The following UFSP2 variants were observed in gnomAD, a reference collection of about 807,000 sequenced individuals.
UFSP2 encodes UFM1 specific peptidase 2, also known as ufm1-specific protease 2.
In UFSP2, 43 loss-of-function variants were observed where a neutral mutation model predicts 60.2. The ratio of observed to expected loss-of-function variants is 0.71; its 90% confidence interval spans 0.56 to 0.92. The LOEUF (loss-of-function observed/expected upper bound fraction) is 0.92. Ranked by LOEUF, UFSP2 falls within the 40% of genes least tolerant of loss-of-function variation. The pLI, the probability that UFSP2 is intolerant of heterozygous loss-of-function variation, is 0.00. For synonymous variants in UFSP2, 183 were observed against 195.1 expected, an observed-to-expected ratio of 0.94 and a Z score of 0.52; for missense variants, 520 against 575.0, an observed-to-expected ratio of 0.90 and a Z score of 0.98.
intron 1 of UFSP2, among the ~76,000 whole-genome samples, chr4:185,422,853 C>T (rs536161623): frequency 1.3e-5 from 2 of 151,692 alleles, no homozygotes; most frequent in South Asian, 4.2e-4. Context: ...AAGGCCTAGG[C>T]ACAGGGATTT....
At position 185,413,785 on chromosome 4, in the gene UFSP2, C is replaced by G. The variant is rs968472119; in HGVS notation, c.772G>C (p.Asp258His). The stretch of plus-strand genomic sequence containing the variant: ...GTATGTGGATTTCTAATGTAACCAT[C>G]TTTGTATGGCTCATCTGGAAAGTGA... ...AYHFPDEPYKDGYIRNPHTYL... is the reference protein window; with the variant it reads ...AYHFPDEPYKHGYIRNPHTYL... The change falls in exon 7 of 12, where the codon GAT becomes CAT. Residue 258 changes from aspartate to histidine, a missense_variant. Asp to His is a moderately conservative substitution (Grantham distance 81, BLOSUM62 -1). Transcript: ENST00000264689. The G allele has an allele frequency of 9.3e-6, 15 of 1,613,428 alleles. No individual in the cohort carries two copies. Among genetic ancestry groups the G allele is most frequent in the African/African-American group, 5.3e-5 (4 of 74,894 alleles).
Position 185,415,869 on chromosome 4 carries a change from TATATAG to T in UFSP2, c.334-8_334-3del. The T allele has an allele frequency of 6.2e-7, 1 of 1,607,932 alleles. No individual in the cohort carries two copies. Among genetic ancestry groups the T allele is most frequent in the Non-Finnish European group, 8.5e-7 (1 of 1,176,802 alleles). On this transcript the variant is annotated splice_region_variant and splice_polypyrimidine_tract_variant and intron_variant, in intron 4 of 11. Transcript: ENST00000264689. ...AAGATCTATATTTACTATTTGATGC[TATATAG>T]ATAAACAGTAATAGTCAACTTGTAG...
chr4:185,399,774 GT>G lies in UFSP2; in HGVS notation c.*617del. 1 of 1,613,938 alleles carries G rather than the reference GT, an allele frequency of 6.2e-7. No homozygotes were observed. Among genetic ancestry groups the G allele is most frequent in the South Asian group, 1.1e-5 (1 of 91,030 alleles). ...ATACCAGTGGGAAAAGGAAGTGCTG[GT>G]AAGTAACTCAGAGCTGCTGCTTTTT... On this transcript the variant is annotated 3_prime_UTR_variant, in exon 12 of 12. Coordinates refer to ENST00000264689, the MANE Select transcript of UFSP2 (RefSeq NM_018359.5).
chr4:185,418,071 C>CACACACA lies in UFSP2; in HGVS notation c.333+369_333+370insTGTGTGT, dbSNP rs761008119. 1.6e-4 allele frequency among the ~76,000 whole-genome samples: 24 copies of CACACACA among 151,818 alleles called. No homozygotes were observed. The South Asian group carries it at 3.3e-3, about 21-fold the overall frequency. ...AAACACACACACACACACACACAAA[C>CACACACA]AACAGAACCAAGAGTAGTGTGAAGA... On this transcript the variant is annotated intron_variant, in intron 4 of 11. Coordinates refer to ENST00000264689, the MANE Select transcript of UFSP2 (RefSeq NM_018359.5).
chr4:185,422,100 T>C (rs1173813360), intron 2 of UFSP2, among the ~76,000 whole-genome samples: 1 of 152,234 alleles, frequency 6.6e-6, no homozygotes, highest in Non-Finnish European at 1.5e-5. Context: ...CTTGTACTCA[T>C]CCCCATATAA....
In UFSP2 at chr4:185,407,924, A is replaced by AAT. The variant is rs745414290; in HGVS notation, c.1121+11_1121+12insAT. On this transcript the variant is annotated intron_variant, in intron 9 of 11. Coordinates refer to ENST00000264689, the MANE Select transcript of UFSP2 (RefSeq NM_018359.5). ...TTGAAATGATTTATCTAATTTCTTA[A>AAT]AGTGTGCTTACCTGACAAACAGGAT... 2 of 1,608,070 alleles carry AAT rather than the reference A, an allele frequency of 1.2e-6. No homozygotes were observed. Among genetic ancestry groups the AAT allele is most frequent in the East Asian group, 4.5e-5 (2 of 44,790 alleles).
At chr4:185,411,177 ATAT>A (rs1197247116) in intron 7 of UFSP2, among the ~76,000 whole-genome samples, 1 of 151,796 alleles carries the variant, frequency 6.6e-6, no homozygotes, top group Non-Finnish European at 1.5e-5. Context: ...GAAAAAGAAA[ATAT>A]TATGACTACA....
chr4:185,423,706 A>G (rs1247811717), intron 1 of UFSP2, among the ~76,000 whole-genome samples: 5 of 152,164 alleles, frequency 3.3e-5, no homozygotes, highest in Non-Finnish European at 7.4e-5. Flanking sequence ...GGATCCATAT[A>G]CTGTTTCAGG....
In UFSP2 at chr4:185,400,192, C is replaced by G; in HGVS notation, c.*200G>C. 1.4e-6 allele frequency: 1 copy of G among 712,084 alleles called. No individual in the cohort carries two copies. 44.1% of individuals were successfully genotyped at this position (712,084 alleles called of 1,614,324 possible). On this transcript the variant is annotated 3_prime_UTR_variant, in exon 12 of 12. Coordinates refer to ENST00000264689, the MANE Select transcript of UFSP2 (RefSeq NM_018359.5). ...CATGTATTTACATGCCTATAATATG[C>G]TGGTTGTGTATGCTTTGTCTTTTAA...
At chr4:185,407,017 C>CTTTTTTTTTTTTTTTTTTTTTTGTTTTT (rs34710879) in intron 9 of UFSP2, among the ~76,000 whole-genome samples, 2 of 99,094 alleles carry the variant, frequency 2.0e-5, no homozygotes, top group Non-Finnish European at 4.0e-5. Flanking sequence ...TTTGGCTTTT[C>CTTTTTTTTTTTTTTTTTTTTTTGTTTTT]TTTTTTTTTT....
chr4:185,411,732 G>A (rs1177974638), intron 7 of UFSP2, among the ~76,000 whole-genome samples: 2 of 152,136 alleles, frequency 1.3e-5, no homozygotes, highest in East Asian at 1.9e-4. Context: ...CATATGTATC[G>A]AGAGGTATAG....
chr4:185,400,027 G>A lies in UFSP2; in HGVS notation c.*365C>T. 1 of 1,598,504 alleles carries A rather than the reference G, an allele frequency of 6.3e-7. No individual in the cohort carries two copies. On this transcript the variant is annotated 3_prime_UTR_variant, in exon 12 of 12. Coordinates refer to ENST00000264689, the MANE Select transcript of UFSP2 (RefSeq NM_018359.5). The stretch of plus-strand genomic sequence containing the variant: ...TGTTTTTAAAAACAGATGTCACGTG[G>A]GTTATGAAGAAGTCTGAAGAACGCC...
In UFSP2 at chr4:185,400,318, G is replaced by A. The variant is rs1417277719; in HGVS notation, c.*74C>T. 33 of 1,220,444 alleles carry A rather than the reference G, an allele frequency of 2.7e-5. No individual in the cohort carries two copies. The African/African-American group carries it at 4.6e-4, about 17-fold the overall frequency. 75.6% of individuals were successfully genotyped at this position (1,220,444 alleles called of 1,614,324 possible). A position where few individuals can be genotyped will look rare whatever the true frequency, so the allele number is the denominator to read the frequency against. The stretch of plus-strand genomic sequence containing the variant: ...CGTCAAACTAGAACCAGGATTTAAT[G>A]TGAAAAATTAAACTGATTCTTTATT... On this transcript the variant is annotated 3_prime_UTR_variant, in exon 12 of 12. Coordinates refer to ENST00000264689, the MANE Select transcript of UFSP2 (RefSeq NM_018359.5).
At chr4:185,400,986 A>C (rs544151975) in intron 11 of UFSP2, among the ~76,000 whole-genome samples, 3 of 152,318 alleles carry the variant, frequency 2.0e-5, no homozygotes. Context: ...GTCAGTATTA[A>C]TCCTTTTTGC....
At chr4:185,402,628 AC>A (rs34375348) in intron 11 of UFSP2, among the ~76,000 whole-genome samples, 1 of 151,722 alleles carries the variant, frequency 6.6e-6, no homozygotes, top group African/African-American at 2.4e-5. Context: ...GGCGCCCACC[AC>A]CACACCTGGC....
Position 185,408,152 on chromosome 4 carries a change from T to C in UFSP2, c.997-92A>G. ...TTTTCCCTGATTACCAGTACAAGAA[T>C]TTTTTTTTCTTCAAAACAGAAATAA... On this transcript the variant is annotated intron_variant, in intron 8 of 11. Transcript: ENST00000264689. 2.0e-6 allele frequency: 3 copies of C among 1,510,500 alleles called. No individual in the cohort carries two copies. In the East Asian group the frequency reaches 6.8e-5, roughly 34 times the overall value. 93.6% of individuals were successfully genotyped at this position (1,510,500 alleles called of 1,614,324 possible).
At chr4:185,418,852 C>T in intron 2 of UFSP2, 82 bp from the exon 3 acceptor site, 1 of 1,096,902 alleles carries the variant, frequency 9.1e-7, no homozygotes, top group Non-Finnish European at 1.3e-6. Flanking sequence ...AAAAGTAGAG[C>T]ATAGTAAAAC....
chr4:185,418,952 ATCAAAT>A (rs1399612266), intron 2 of UFSP2, among the ~76,000 whole-genome samples, 182 bp from the exon 3 acceptor site: 1 of 152,220 alleles, frequency 6.6e-6, no homozygotes, highest in African/African-American at 2.4e-5. Context: ...TTCACAGACC[ATCAAAT>A]TCATTCTTTT....
At chr4:185,415,432 T>C (rs2095536842) in intron 5 of UFSP2, 85 bp from the exon 6 acceptor site, 1 of 1,174,184 alleles carries the variant, frequency 8.5e-7, no homozygotes, top group Non-Finnish European at 1.1e-6. Flanking sequence ...ATCCTTAGTA[T>C]AGTAAAAAAC....
Sources: allele counts gnomAD v4.1 joint callset (sites outside exome capture counted in the v4.1 genomes callset), GRCh38; gene constraint gnomAD v4.1.1; transcripts MANE v1.5; gene names NCBI Gene and HGNC (gene_info 2026-07-23, HGNC 2026-07-21).